Variants in RYR3 observed in about 807,000 individuals in gnomAD.
RYR3 encodes the protein brain ryanodine receptor-calcium release channel.
Under a neutral mutation model 584.3 loss-of-function variants are expected in RYR3, and 207 were observed. The ratio of observed to expected loss-of-function variants is 0.35; its 90% CI spans 0.32 to 0.40. RYR3 has a LOEUF of 0.40. Among genes scored for constraint, RYR3 ranks in the 10% least tolerant of loss-of-function variants. RYR3 has a pLI of 1.00. For synonymous variants in RYR3, 2,416 were observed against 2,248.5 expected (o/e 1.07, Z -2.11); for missense variants, 5,616 against 6,089.2 (o/e 0.92, Z 2.59).
At position 33,816,934 on chromosome 15, in the gene RYR3, A is replaced by C; in HGVS notation, c.10575A>C (p.Glu3525Asp). 6.2e-7 allele frequency: 1 copy of C among 1,609,368 alleles called. No individual in the cohort carries two copies. ...TAGAAACAGAGGAGTATTCCTTTGA[A>C]GAGAAACTAGTACAGGATTTGGCTG... is the stretch of plus-strand genomic sequence containing the variant. ...FWIETEEYSF[E>D]EKLVQDLAKS... Residue 3525 changes from glutamate to aspartate, a missense_variant, in exon 75 of 104, where the codon GAA (glutamate) becomes GAC (aspartate). Physicochemically the swap from Glu to Asp is conservative, Grantham distance 45. Coordinates refer to ENST00000634891, the MANE Select transcript of RYR3 (RefSeq NM_001036.6).
intron 85 of RYR3, among the ~76,000 whole-genome samples, chr15:33,830,475 CTT>C (rs1367939958): frequency 2.6e-5 from 4 of 152,208 alleles, no homozygotes; most frequent in Admixed American, 6.5e-5. Context: ...GTAAACATAA[CTT>C]TGATGTACGC....
intron 16 of RYR3, among the ~76,000 whole-genome samples, chr15:33,598,574 T>C (rs1278497459): frequency 6.6e-6 from 1 of 151,890 alleles, no homozygotes; most frequent in Admixed American, 6.6e-5. Context: ...CCAAACCAGT[T>C]TCTTACCTAG....
At chr15:33,568,660 G>A (rs1160925492) in intron 12 of RYR3, among the ~76,000 whole-genome samples, 1 of 151,974 alleles carries the variant, frequency 6.6e-6, no homozygotes, top group Non-Finnish European at 1.5e-5. Flanking sequence ...CAAATTGCTG[G>A]GCACAAGTGA....
chr15:33,688,783 T>TAA (rs2065200233), intron 38 of RYR3, among the ~76,000 whole-genome samples: 2 of 152,048 alleles, frequency 1.3e-5, no homozygotes, highest in Non-Finnish European at 2.9e-5. Flanking sequence ...GGTGGAAGTG[T>TAA]AAAGTAGTTC....
chr15:33,333,989 CT>C (rs2140709977), intron 1 of RYR3, among the ~76,000 whole-genome samples: 1 of 152,248 alleles, frequency 6.6e-6, no homozygotes, highest in East Asian at 1.9e-4. Context: ...AGTGAAAGAT[CT>C]CTGCAAGGAA....
chr15:33,765,891 T>G (rs111469503), intron 60 of RYR3, among the ~76,000 whole-genome samples: 13 of 152,314 alleles, frequency 8.5e-5, no homozygotes, highest in Non-Finnish European at 1.8e-4. Flanking sequence ...GAACTGCCTG[T>G]GTAGTATGAT....
At chr15:33,490,593 C>T (rs976754681) in intron 2 of RYR3, among the ~76,000 whole-genome samples, 1 of 151,978 alleles carries the variant, frequency 6.6e-6, no homozygotes, top group Non-Finnish European at 1.5e-5. Flanking sequence ...TAAGCCATGG[C>T]ATTTAGGTTC....
At chr15:33,658,281 T>C (rs74842102) in intron 32 of RYR3, among the ~76,000 whole-genome samples, 4 of 152,284 alleles carry the variant, frequency 2.6e-5, no homozygotes, top group African/African-American at 9.6e-5. Context: ...GGTCCTGTTT[T>C]CATGCTGGCT....
intron 97 of RYR3, 103 bp from the exon 98 acceptor site, chr15:33,854,663 C>T (rs955935513): frequency 1.4e-6 from 2 of 1,438,532 alleles, no homozygotes; most frequent in Non-Finnish European, 1.9e-6. Flanking sequence ...AGCACCTAAA[C>T]CCCCTCTATC....
intron 10 of RYR3, among the ~76,000 whole-genome samples, chr15:33,558,861 G>A (rs2057247866): frequency 6.6e-6 from 1 of 152,184 alleles, no homozygotes; most frequent in Non-Finnish European, 1.5e-5. Context: ...ATACCACACA[G>A]GGCCACATAG....
intron 59 of RYR3, among the ~76,000 whole-genome samples, chr15:33,756,581 AC>A (rs1193133086): frequency 4.6e-5 from 7 of 152,080 alleles, no homozygotes; most frequent in Admixed American, 4.6e-4. Context: ...TCACCTGGGA[AC>A]CCAGGTTCTT....
intron 60 of RYR3, chr15:33,757,852 A>T (rs1022100085): frequency 1.0e-5 from 5 of 484,278 alleles, no homozygotes; most frequent in African/African-American, 7.8e-5. Flanking sequence ...GACAGAGATT[A>T]AGATGGCCGA....
rs1202007974 is a variant in RYR3, at chr15:33,865,913, A to C, written c.*687A>C. 1 of 152,742 alleles carries C rather than the reference A, an allele frequency of 6.5e-6. No individual in the cohort carries two copies. Among genetic ancestry groups the C allele is most frequent in the Non-Finnish European group, 1.5e-5 (1 of 68,134 alleles). 9.5% of individuals were successfully genotyped at this position (152,742 alleles called of 1,614,324 possible). On this transcript the variant is annotated 3_prime_UTR_variant, in exon 104 of 104. Coordinates refer to ENST00000634891, the MANE Select transcript of RYR3 (RefSeq NM_001036.6). ...GGTTATTCATACAAGTTTTTTTAGTAACAGCTGTCAGTCAACTGCTGTTAT... is the reference window on the plus strand; with the variant it reads ...GGTTATTCATACAAGTTTTTTTAGTCACAGCTGTCAGTCAACTGCTGTTAT...
At position 33,784,941 on chromosome 15, in the gene RYR3, G is replaced by A. The variant is rs543001169; in HGVS notation, c.9269-721G>A. On this transcript the variant is annotated intron_variant, in intron 65 of 103. Transcript: ENST00000634891. ...TTGATACTTTAGCCTGTGTGTCCTTGTCTAGAGCAGCACCCTCAATCATTC... is the reference window on the plus strand; with the variant it reads ...TTGATACTTTAGCCTGTGTGTCCTTATCTAGAGCAGCACCCTCAATCATTC... 7.9e-5 allele frequency among the ~76,000 whole-genome samples: 12 copies of A among 152,268 alleles called. 1 individual carries two copies. The highest frequency in any genetic ancestry group is 2.9e-4 in the African/African-American group (12 of 41,554).
At chr15:33,415,224 A>T (rs1567192340) in intron 1 of RYR3, among the ~76,000 whole-genome samples, 1 of 152,198 alleles carries the variant, frequency 6.6e-6, no homozygotes, top group Admixed American at 6.5e-5. Flanking sequence ...AGTAAATATG[A>T]TTGAACTACC....
chr15:33,616,740 T>C (rs1228313689), intron 19 of RYR3, among the ~76,000 whole-genome samples: 1 of 152,202 alleles, frequency 6.6e-6, no homozygotes, highest in Admixed American at 6.5e-5. Context: ...CACTCAAGCT[T>C]CCTGTCTCTC....
At chr15:33,807,621 G>A (rs2879436) in intron 70 of RYR3, 52 bp downstream of exon 70, 391,118 of 1,530,676 alleles carry the variant, frequency 0.26, 51,278 homozygotes, top group Admixed American at 0.35. Context: ...TAGAGGTGCC[G>A]GGCTCTGGCC....
chr15:33,812,931 C>G lies in RYR3; in HGVS notation c.10326C>G (p.Phe3442Leu), dbSNP rs763394691. 1.2e-6 allele frequency: 2 copies of G among 1,613,940 alleles called. No homozygotes were observed. The highest frequency in any genetic ancestry group is 1.7e-6 in the Non-Finnish European group (2 of 1,179,836). Residue 3442 changes from phenylalanine to leucine, a missense_variant, in exon 73 of 104, where the codon TTC (phenylalanine) becomes TTG (leucine). Around this residue, in one of 9 missense-constraint regions of RYR3, gnomAD observed 954 missense variants for 1,132.2 expected, o/e 0.84. Coordinates refer to ENST00000634891, the MANE Select transcript of RYR3 (RefSeq NM_001036.6). ...ATGTTCTGAAGAGTGAAGAACCTTT[C>G]AATCCGGAAAAGACAGTGGAGCGTG... Reference protein sequence around the residue: ...YKDVLKSEEPFNPEKTVERVQ... With the variant: ...YKDVLKSEEPLNPEKTVERVQ...
chr15:33,462,568 T>C (rs1170363693), intron 1 of RYR3, among the ~76,000 whole-genome samples: 1 of 152,194 alleles, frequency 6.6e-6, no homozygotes, highest in East Asian at 1.9e-4. Flanking sequence ...GAAGACATTA[T>C]GTCTTAACAC....
Sources: allele counts gnomAD v4.1 joint callset (sites outside exome capture counted in the v4.1 genomes callset), GRCh38; gene constraint gnomAD v4.1.1; regional missense constraint gnomAD v4.1.1; transcripts MANE v1.5; gene names NCBI Gene and HGNC (gene_info 2026-07-23, HGNC 2026-07-21).